MXRA8: variants seen among roughly 807,000 people sequenced by gnomAD.
The protein encoded by MXRA8 is matrix remodeling associated 8, also known as matrix remodeling-associated protein 8.
In MXRA8, 44 loss-of-function variants were observed where a neutral mutation model predicts 51.4. The ratio of observed to expected loss-of-function variants is 0.86; its 90% CI spans 0.67 to 1.10. The LOEUF (loss-of-function observed/expected upper bound fraction) is 1.10. MXRA8 is among the 50% of genes least tolerant of loss of function. The pLI, the probability that MXRA8 is intolerant of heterozygous loss-of-function variation, is 0.00. For synonymous variants in MXRA8, 369 were observed against 293.5 expected (o/e 1.26, Z -2.63); for missense variants, 765 against 638.9 (o/e 1.20, Z -2.13).
rs1369641485 is a variant in MXRA8 at position 1,353,047 on chromosome 1, A to G, written c.*557T>C. ...GTCAGCAGGTCCCTGGGGAGAACAG[A>G]TGGTGCCTGGAGTCCCACATGGTGG... On this transcript the variant is annotated 3_prime_UTR_variant, in exon 10 of 10. Coordinates refer to ENST00000309212, the MANE Select transcript of MXRA8 (RefSeq NM_032348.4). 5.1e-6 allele frequency: 3 copies of G among 590,282 alleles called. No individual in the cohort carries two copies. Among genetic ancestry groups the G allele is most frequent in the Non-Finnish European group, 6.0e-6 (2 of 333,354 alleles). The allele number at this position is 590,282 out of a possible 1,614,324, so 36.6% of individuals were successfully genotyped here.
intron 1 of MXRA8, 68 bp from the exon 2 acceptor site, chr1:1,356,772 G>A (rs1335422341): frequency 2.3e-6 from 3 of 1,296,196 alleles, no homozygotes; most frequent in South Asian, 2.4e-5. Context: ...CCCCCACTTG[G>A]CCCCCAGAGT....
chr1:1,354,250 A>G lies in MXRA8; in HGVS notation c.1106-18T>C, dbSNP rs1557681293. ...TTCGTAGCCTGGGAAGGAGACTCAC[A>G]TTGGGGGCAGTGCCGCCCCTTCCGC... is the stretch of plus-strand genomic sequence containing the variant. On this transcript the variant is annotated intron_variant, in intron 6 of 9. Coordinates refer to ENST00000309212, the MANE Select transcript of MXRA8 (RefSeq NM_032348.4). 1.2e-6 allele frequency: 2 copies of G among 1,611,118 alleles called. No individual in the cohort carries two copies. Among genetic ancestry groups the G allele is most frequent in the Non-Finnish European group, 1.7e-6 (2 of 1,179,382 alleles).
At chr1:1,361,207 G>C (rs1569817578), upstream of MXRA8, 2 of 703,248 alleles carry the variant, frequency 2.8e-6, no homozygotes, top group Non-Finnish European at 5.2e-6. Flanking sequence ...GACACACACA[G>C]ACACACATGG....
chr1:1,356,213 C>T (rs1644127247), intron 2 of MXRA8, among the ~76,000 whole-genome samples: 1 of 54,450 alleles, frequency 1.8e-5, no homozygotes, highest in Admixed American at 2.8e-4. Context: ...GGTGGACCCC[C>T]GAGGGCCCTG....
upstream of MXRA8, among the ~76,000 whole-genome samples, chr1:1,362,740 C>T (rs1232030355): frequency 1.3e-5 from 2 of 148,510 alleles, no homozygotes; most frequent in African/African-American, 2.5e-5. Flanking sequence ...GAGATCGTGC[C>T]GTTGCATTCC....
At position 1,353,881 on chromosome 1, in the gene MXRA8, G is replaced by A; in HGVS notation, c.1270C>T (p.Pro424Ser). The change falls in exon 9 of 10, where the codon CCC (proline) becomes TCC (serine). Residue 424 changes from proline to serine, a missense_variant. Pro to Ser is a moderately conservative substitution (Grantham distance 74). Coordinates refer to ENST00000309212, the MANE Select transcript of MXRA8 (RefSeq NM_032348.4). The part of the protein sequence containing the change: ...LKERAELAHS[P>S]LPAKYIDLDK... ...AGGTCGATGTACTTGGCAGGCAGGGGGCTGTGGGCCAGCTCCGCCCTCTCC... is the reference window on the plus strand; with the variant it reads ...AGGTCGATGTACTTGGCAGGCAGGGAGCTGTGGGCCAGCTCCGCCCTCTCC... 3 of 1,607,220 alleles carry A rather than the reference G, an allele frequency of 1.9e-6. No homozygotes were observed. The highest frequency in any genetic ancestry group is 1.3e-5 in the African/African-American group (1 of 74,966).
chr1:1,352,961 G>T lies in MXRA8; in HGVS notation c.*643C>A. On this transcript the variant is annotated 3_prime_UTR_variant, in exon 10 of 10. Transcript: ENST00000309212. Reference sequence around the variant, plus strand: ...TAGGGTAGGGATGGGGCAGAGAAAGGGCAAGGGGTGCAGCCCCAGGTGGCC... The same window carrying T: ...TAGGGTAGGGATGGGGCAGAGAAAGTGCAAGGGGTGCAGCCCCAGGTGGCC... 1 of 449,102 alleles carries T rather than the reference G, an allele frequency of 2.2e-6. No individual in the cohort carries two copies. The highest frequency in any genetic ancestry group is 4.0e-6 in the Non-Finnish European group (1 of 249,914). 27.8% of individuals were successfully genotyped at this position (449,102 alleles called of 1,614,324 possible).
chr1:1,358,837 T>G, upstream of MXRA8: 1 of 1,103,300 alleles, frequency 9.1e-7, no homozygotes, highest in Non-Finnish European at 1.1e-6. Flanking sequence ...TCTAGGAGCC[T>G]CCCGGGCCTG....
chr1:1,359,138 C>A (rs34782209), upstream of MXRA8: 3 of 985,226 alleles, frequency 3.0e-6, no homozygotes, highest in East Asian at 1.1e-4. Flanking sequence ...TCACTAGTCC[C>A]CTTTACAACC....
upstream of MXRA8, among the ~76,000 whole-genome samples, chr1:1,359,775 G>A (rs900736963): frequency 2.2e-4 from 34 of 152,318 alleles, 1 homozygote; most frequent in African/African-American, 5.3e-4. Context: ...CCCGGGCGGC[G>A]ACCTTTCCAA....
chr1:1,356,787 C>G, intron 1 of MXRA8, 83 bp from the exon 2 acceptor site: 1 of 1,227,264 alleles, frequency 8.1e-7, no homozygotes, highest in East Asian at 3.0e-5. Flanking sequence ...CAGAGTCCCT[C>G]CTGTAGTCCC....
intron 5 of MXRA8, 85 bp downstream of exon 5, chr1:1,354,597 G>A: frequency 1.9e-6 from 3 of 1,555,110 alleles, no homozygotes; most frequent in Middle Eastern, 2.4e-4. Flanking sequence ...GGATCCGCGG[G>A]CCTCGGGCAA....
chr1:1,354,697 C>T lies in MXRA8; in HGVS notation c.934G>A (p.Gly312Ser), dbSNP rs1030559320. 3 of 1,585,534 alleles carry T rather than the reference C, an allele frequency of 1.9e-6. No homozygotes were observed. Among genetic ancestry groups the T allele is most frequent in the Non-Finnish European group, 2.6e-6 (3 of 1,167,180 alleles). Residue 312 changes from glycine to serine, a missense_variant, in exon 5 of 10, where the codon GGC becomes AGC. By Grantham distance (56) the Gly-to-Ser change is moderately conservative. Transcript: ENST00000309212. Reference sequence around the variant, plus strand: ...CCTCCTTCACCTGGGCCTGGGGCGCCGCTGTGGCTGGAGCCGTTGCCCGGA... The same window carrying T: ...CCTCCTTCACCTGGGCCTGGGGCGCTGCTGTGGCTGGAGCCGTTGCCCGGA... ...GSPGNGSSHS[G>S]APGPDPTLAR...
chr1:1,354,007 C>G (rs764018217), intron 8 of MXRA8, 23 bp downstream of exon 8: 8 of 1,612,044 alleles, frequency 5.0e-6, no homozygotes, highest in Non-Finnish European at 6.8e-6. Flanking sequence ...CGCCTGTGCC[C>G]TCGTGTCCCA....
At chr1:1,359,690 C>CACGG, upstream of MXRA8, 1 of 593,322 alleles carries the variant, frequency 1.7e-6, no homozygotes, top group Non-Finnish European at 2.1e-6. Context: ...ACGGGCAGGA[C>CACGG]ACGGACCGGC....
In MXRA8 at chr1:1,353,033, C is replaced by A; in HGVS notation, c.*571G>T. The A allele has an allele frequency of 1.7e-6, 1 of 577,116 alleles. No homozygotes were observed. The highest frequency in any genetic ancestry group is 2.1e-5 in the South Asian group (1 of 46,518). 35.7% of individuals were successfully genotyped at this position (577,116 alleles called of 1,614,324 possible). On this transcript the variant is annotated 3_prime_UTR_variant, in exon 10 of 10. Transcript: ENST00000309212. Reference sequence around the variant, plus strand: ...GGGCTGGCATTCAAGTCAGCAGGTCCCTGGGGAGAACAGATGGTGCCTGGA... The same window carrying A: ...GGGCTGGCATTCAAGTCAGCAGGTCACTGGGGAGAACAGATGGTGCCTGGA...
Position 1,354,023 on chromosome 1 carries a change from G to A in MXRA8, c.1222+7C>T. ...GCCTGTGCCCTCGTGTCCCAGCACT[G>A]CCTCACCTAGCTGGATGTCCTCACT... On this transcript the variant is annotated splice_region_variant and intron_variant, in intron 8 of 9. Coordinates refer to ENST00000309212, the MANE Select transcript of MXRA8 (RefSeq NM_032348.4). 6.2e-7 allele frequency: 1 copy of A among 1,612,794 alleles called. No individual in the cohort carries two copies. Among genetic ancestry groups the A allele is most frequent in the Non-Finnish European group, 8.5e-7 (1 of 1,179,902 alleles).
intron 2 of MXRA8, 145 bp from the exon 3 acceptor site, chr1:1,355,897 G>A (rs1386531621): frequency 4.1e-6 from 2 of 485,386 alleles, no homozygotes; most frequent in Non-Finnish European, 3.2e-6. Flanking sequence ...GTGGTGGAGG[G>A]GAAGTCCGTG....
In MXRA8 at chr1:1,354,690, G is replaced by A. The variant is rs770509163; in HGVS notation, c.941C>T (p.Pro314Leu). 3.8e-6 allele frequency: 6 copies of A among 1,579,426 alleles called. No homozygotes were observed. In the South Asian group the frequency reaches 6.8e-5, roughly 18 times the overall value. The part of the protein sequence containing the change: ...PGNGSSHSGA[P>L]GPDPTLARGH... The stretch of plus-strand genomic sequence containing the variant: ...AGGGAGGCCTCCTTCACCTGGGCCT[G>A]GGGCGCCGCTGTGGCTGGAGCCGTT... Residue 314 changes from proline to leucine, a missense_variant, in exon 5 of 10, where the codon CCA becomes CTA. Pro to Leu is a moderately conservative substitution (Grantham distance 98, BLOSUM62 -3). Transcript: ENST00000309212.
Sources: gnomAD v4.1 joint callset for allele counts (sites outside exome capture counted in the v4.1 genomes callset) on GRCh38, gnomAD v4.1.1 for gene constraint, MANE v1.5 for transcripts, NCBI Gene and HGNC (gene_info 2026-07-23, HGNC 2026-07-21) for gene names.